Variants in SHANK2 observed in about 807,000 individuals in gnomAD.
The protein encoded by SHANK2 is SH3 and multiple ankyrin repeat domains 2.
A neutral mutation model predicts 133.7 loss-of-function variants in SHANK2; 43 were observed. The observed-to-expected ratio is 0.32, with a 90% CI of 0.25 to 0.41. The LOEUF (loss-of-function observed/expected upper bound fraction) is 0.41, where lower values mean the gene tolerates loss of function less well. Ranked by LOEUF, SHANK2 falls within the 10% of genes least tolerant of loss-of-function variation. The pLI is 1.00. For missense variants in SHANK2, 1,994 were observed against 2,235.8 expected, an observed-to-expected ratio of 0.89 and a Z score of 2.18; for synonymous variants, 1,017 against 952.8, an observed-to-expected ratio of 1.07 and a Z score of -1.24.
At chr11:70,685,127 C>T (rs1474174445) in intron 15 of SHANK2, among the ~76,000 whole-genome samples, 1 of 152,052 alleles carries the variant, frequency 6.6e-6, no homozygotes, top group Non-Finnish European at 1.5e-5. Flanking sequence ...CCTGCCTTCC[C>T]ATCTGACAGT....
intron 9 of SHANK2, among the ~76,000 whole-genome samples, chr11:71,068,433 T>C (rs1951097239): frequency 6.6e-6 from 1 of 152,170 alleles, no homozygotes; most frequent in Non-Finnish European, 1.5e-5. Context: ...GGAAGGCAAA[T>C]AAAGTGCCTT....
intron 10 of SHANK2, chr11:70,910,899 C>T (rs6592859): frequency 0.23 from 100,674 of 428,562 alleles, 13,348 homozygotes; most frequent in African/African-American, 0.55. Context: ...CTTGGTGGTG[C>T]GTGTGTGTGT....
chr11:70,532,397 G>A (rs1473114142), intron 17 of SHANK2, among the ~76,000 whole-genome samples: 1 of 152,174 alleles, frequency 6.6e-6, no homozygotes, highest in Non-Finnish European at 1.5e-5. Flanking sequence ...CCTAGAGTGG[G>A]GGGCCTTCTC....
At chr11:70,824,447 C>G (rs953522028) in intron 11 of SHANK2, among the ~76,000 whole-genome samples, 5 of 152,184 alleles carry the variant, frequency 3.3e-5, no homozygotes, top group African/African-American at 1.2e-4. Flanking sequence ...CCAGCACTTT[C>G]ATCCCACTCC....
At chr11:70,923,628 T>C (rs536395510) in intron 10 of SHANK2, among the ~76,000 whole-genome samples, 27 of 152,308 alleles carry the variant, frequency 1.8e-4, no homozygotes, top group African/African-American at 6.5e-4. Context: ...AGTTCACTGA[T>C]AACTCCACCT....
At chr11:70,770,124 C>T (rs543903354) in intron 14 of SHANK2, among the ~76,000 whole-genome samples, 1 of 152,344 alleles carries the variant, frequency 6.6e-6, no homozygotes, top group South Asian at 2.1e-4. Context: ...GATGAATACC[C>T]TTCTCAGCTG....
intron 12 of SHANK2, among the ~76,000 whole-genome samples, chr11:70,810,162 G>A (rs148729612): frequency 7.2e-4 from 109 of 152,310 alleles, no homozygotes; most frequent in Non-Finnish European, 1.3e-3. Flanking sequence ...ATAGCTCAGT[G>A]AGCCACCAGG....
At chr11:71,208,323 T>C (rs10792542) in intron 2 of SHANK2, among the ~76,000 whole-genome samples, 3 of 151,512 alleles carry the variant, frequency 2.0e-5, no homozygotes, top group South Asian at 2.1e-4. Context: ...ATGGGGAAGT[T>C]GGGGGGAGAA....
At chr11:70,762,436 C>T (rs1947015318) in intron 14 of SHANK2, among the ~76,000 whole-genome samples, 1 of 152,052 alleles carries the variant, frequency 6.6e-6, no homozygotes, top group African/African-American at 2.4e-5. Context: ...GGGGGCGCCT[C>T]TTTTGAGTCT....
chr11:70,637,188 A>G (rs1377332401), intron 17 of SHANK2, among the ~76,000 whole-genome samples: 2 of 152,158 alleles, frequency 1.3e-5, no homozygotes, highest in Non-Finnish European at 2.9e-5. Flanking sequence ...GCACAGCCAC[A>G]GCCTCCAGTT....
intron 17 of SHANK2, among the ~76,000 whole-genome samples, chr11:70,598,853 C>A (rs191580168): frequency 6.6e-6 from 1 of 150,392 alleles, no homozygotes; most frequent in African/African-American, 2.5e-5. Flanking sequence ...ATTAATTATC[C>A]GCTTGCAATT....
chr11:70,905,701 C>T (rs150881927), intron 10 of SHANK2, among the ~76,000 whole-genome samples: 4 of 152,310 alleles, frequency 2.6e-5, no homozygotes, highest in Admixed American at 2.6e-4. Flanking sequence ...GGAAGTGGGC[C>T]CTCATCAGAC....
At chr11:70,641,985 A>T (rs1474444266) in intron 17 of SHANK2, among the ~76,000 whole-genome samples, 3 of 152,192 alleles carry the variant, frequency 2.0e-5, no homozygotes, top group African/African-American at 7.2e-5. Flanking sequence ...CTGGGTGACC[A>T]AGGTTCAGGC....
intron 2 of SHANK2, among the ~76,000 whole-genome samples, chr11:71,150,800 C>A (rs1226063803): frequency 1.4e-4 from 21 of 152,198 alleles, no homozygotes; most frequent in Non-Finnish European, 2.8e-4. Context: ...GAACTTCTCA[C>A]CCTGTGTTTA....
Position 70,804,247 on chromosome 11 carries a change from C to T in SHANK2, c.1663+2755G>A, listed in dbSNP as rs541906633. 2.0e-5 allele frequency among the ~76,000 whole-genome samples: 3 copies of T among 152,186 alleles called. No individual in the cohort carries two copies. The highest frequency in any genetic ancestry group is 3.9e-4 in the East Asian group (2 of 5,138). ...GGCCTTGGCTCTGCAGGCAGTGGAT[C>T]GGCTCGACCCGCCCGCCTCTAAGCA... On this transcript the variant is annotated intron_variant, in intron 13 of 25. Transcript: ENST00000601538. This position sits in a 1 kb window ranked among gnomAD's most constrained non-coding sequence, Gnocchi z 4.1.
chr11:70,936,484 C>T (rs782004733), intron 10 of SHANK2, among the ~76,000 whole-genome samples: 11 of 152,070 alleles, frequency 7.2e-5, no homozygotes, highest in East Asian at 1.9e-4. Context: ...TGTACTCCAG[C>T]CTGGGTGACA....
At chr11:70,489,778 TAAG>T (rs1555155258) in intron 23 of SHANK2, 1 of 280,418 alleles carries the variant, frequency 3.6e-6, no homozygotes. Flanking sequence ...ATTGTGACAT[TAAG>T]AAGAAAGGAA....
intron 11 of SHANK2, among the ~76,000 whole-genome samples, chr11:70,828,393 C>G (rs1463969093): frequency 1.3e-5 from 2 of 152,240 alleles, no homozygotes; most frequent in Non-Finnish European, 2.9e-5. Context: ...ACATTCTCAC[C>G]CTACCATGCA....
chr11:71,140,768 T>C (rs1293527603), intron 3 of SHANK2, among the ~76,000 whole-genome samples: 2 of 152,068 alleles, frequency 1.3e-5, no homozygotes, highest in African/African-American at 2.4e-5. Context: ...CGCCCAAAAG[T>C]GTAGAGTGAA....
Sources: allele counts gnomAD v4.1 joint callset (sites outside exome capture counted in the v4.1 genomes callset), GRCh38; gene constraint gnomAD v4.1.1; non-coding constraint Gnocchi (gnomAD v3.1); transcripts MANE v1.5; gene names NCBI Gene and HGNC (gene_info 2026-07-23, HGNC 2026-07-21).